DKK2: variants seen among roughly 807,000 people sequenced by gnomAD.
DKK2 encodes dickkopf-related protein 2.
In DKK2, 11 loss-of-function variants were observed where a neutral mutation model predicts 28.1. The ratio of observed to expected loss-of-function variants is 0.39; its 90% CI spans 0.25 to 0.65. DKK2 has a LOEUF of 0.65. DKK2 is among the 30% of genes least tolerant of loss of function. The pLI, the probability that DKK2 is intolerant of heterozygous loss-of-function variation, is 0.47. For synonymous variants in DKK2, 135 were observed against 126.5 expected, an observed-to-expected ratio of 1.07 and a Z score of -0.45; for missense variants, 326 against 335.5, an observed-to-expected ratio of 0.97 and a Z score of 0.22.
At chr4:106,927,270 T>C (rs951759742) in intron 1 of DKK2, among the ~76,000 whole-genome samples, 1 of 152,156 alleles carries the variant, frequency 6.6e-6, no homozygotes, top group African/African-American at 2.4e-5. Context: ...TCTTTCCCTT[T>C]CTTCCAGTGT....
At chr4:106,934,900 T>G (rs1724556180) in intron 1 of DKK2, among the ~76,000 whole-genome samples, 1 of 152,220 alleles carries the variant, frequency 6.6e-6, no homozygotes, top group African/African-American at 2.4e-5. Flanking sequence ...AATTATAAAA[T>G]GTTCCCATTT....
chr4:106,958,045 A>G (rs1722627184), intron 1 of DKK2, among the ~76,000 whole-genome samples: 1 of 151,008 alleles, frequency 6.6e-6, no homozygotes, highest in South Asian at 2.1e-4. Flanking sequence ...GAATTTATTT[A>G]GAATTGTCTG....
At chr4:106,963,929 T>TGAA in intron 1 of DKK2, among the ~76,000 whole-genome samples, 1 of 152,208 alleles carries the variant, frequency 6.6e-6, no homozygotes, top group Non-Finnish European at 1.5e-5. Context: ...ATTCATTTGT[T>TGAA]GAAGAGACTC....
intron 1 of DKK2, among the ~76,000 whole-genome samples, chr4:106,930,637 G>A (rs1463502870): frequency 3.9e-5 from 6 of 152,142 alleles, no homozygotes; most frequent in Admixed American, 2.6e-4. Flanking sequence ...TTGCAAGACC[G>A]TCCTCGTTTT....
chr4:107,000,354 T>C (rs552132433), intron 1 of DKK2, among the ~76,000 whole-genome samples: 1 of 152,320 alleles, frequency 6.6e-6, no homozygotes, highest in Middle Eastern at 3.4e-3. Context: ...AAGAATGTTG[T>C]TTACAACATT....
intron 1 of DKK2, among the ~76,000 whole-genome samples, chr4:106,975,424 G>A (rs577475037): frequency 1.7e-4 from 26 of 152,210 alleles, no homozygotes; most frequent in African/African-American, 5.5e-4. Context: ...TTCAGAACTT[G>A]TCATTCATCT....
chr4:107,027,805 A>G (rs907055038), intron 1 of DKK2, among the ~76,000 whole-genome samples: 3 of 141,952 alleles, frequency 2.1e-5, no homozygotes, highest in African/African-American at 5.2e-5. Context: ...AGGCTAGAGT[A>G]CAGTGGCGCG....
intron 1 of DKK2, among the ~76,000 whole-genome samples, chr4:106,960,222 T>G (rs890492801): frequency 1.1e-4 from 16 of 151,220 alleles, no homozygotes; most frequent in Non-Finnish European, 2.1e-4. Context: ...ATATATAAAA[T>G]ATGGAATACT....
intron 1 of DKK2, among the ~76,000 whole-genome samples, chr4:106,974,116 C>T (rs1419898132): frequency 1.3e-5 from 2 of 152,102 alleles, no homozygotes; most frequent in African/African-American, 4.8e-5. Flanking sequence ...GATTTGGTAC[C>T]AGTACCATGC....
At chr4:106,942,630 T>C (rs1724716921) in intron 1 of DKK2, among the ~76,000 whole-genome samples, 1 of 152,128 alleles carries the variant, frequency 6.6e-6, no homozygotes, top group East Asian at 1.9e-4. Flanking sequence ...GGGATTGAGA[T>C]ACATAACACA....
chr4:106,961,539 CTT>C (rs1722683564), intron 1 of DKK2, among the ~76,000 whole-genome samples: 1 of 149,850 alleles, frequency 6.7e-6, no homozygotes, highest in Admixed American at 6.7e-5. Flanking sequence ...ATTTCAAACT[CTT>C]AAATTTGCAG....
chr4:106,988,154 G>A lies in DKK2; in HGVS notation c.222+47216C>T, dbSNP rs368924229. On this transcript the variant is annotated intron_variant, in intron 1 of 3. Coordinates refer to ENST00000285311, the MANE Select transcript of DKK2 (RefSeq NM_014421.3). The stretch of plus-strand genomic sequence containing the variant: ...GCTGGGATTACAGGCGTGAGCCACC[G>A]CACCCGGCCCAATGTTACCCTCTTC... Among the ~76,000 whole-genome samples the A allele has an allele frequency of 6.8e-4, 104 of 152,250 alleles. No individual in the cohort carries two copies. The East Asian group carries it at 8.1e-3, about 12-fold the overall frequency.
intron 1 of DKK2, among the ~76,000 whole-genome samples, chr4:106,963,483 T>C (rs1722723229): frequency 6.6e-6 from 1 of 152,138 alleles, no homozygotes; most frequent in Non-Finnish European, 1.5e-5. Context: ...TATAATCAGA[T>C]ATCATCTCAC....
intron 1 of DKK2, among the ~76,000 whole-genome samples, chr4:106,970,134 G>C (rs1722849899): frequency 6.6e-6 from 1 of 152,066 alleles, no homozygotes; most frequent in African/African-American, 2.4e-5. Flanking sequence ...CAATTGTTTA[G>C]CCTGAGTTTT....
At chr4:106,978,280 C>T (rs1482564598) in intron 1 of DKK2, among the ~76,000 whole-genome samples, 5 of 152,168 alleles carry the variant, frequency 3.3e-5, no homozygotes, top group Non-Finnish European at 7.3e-5. Context: ...GTTTGGAGAC[C>T]TGCTGCTCTC....
In DKK2 at chr4:106,922,843, T is replaced by G. The variant is rs17037094; in HGVS notation, c.*1111A>C. ...CAAAGATGAACAGCCAACTTGTGCC[T>G]CAGACATATGATCTATGTGTTGCCA... On this transcript the variant is annotated 3_prime_UTR_variant, in exon 4 of 4. Coordinates refer to ENST00000285311, the MANE Select transcript of DKK2 (RefSeq NM_014421.3). 0.031 allele frequency: 4,771 copies of G among 152,300 alleles called. 80 individuals carry two copies. The highest frequency in any genetic ancestry group is 0.036 in the Non-Finnish European group (2,480 of 68,026). The allele number at this position is 152,300 out of a possible 1,614,324, so 9.4% of individuals were successfully genotyped here.
intron 1 of DKK2, among the ~76,000 whole-genome samples, chr4:106,945,630 T>C (rs193060740): frequency 5.1e-4 from 78 of 152,228 alleles, no homozygotes; most frequent in African/African-American, 1.6e-3. Flanking sequence ...AATCCTTCCA[T>C]GGTTAGAAAA....
At chr4:106,930,067 C>A (rs1426453677) in intron 1 of DKK2, among the ~76,000 whole-genome samples, 1 of 152,148 alleles carries the variant, frequency 6.6e-6, no homozygotes, top group Non-Finnish European at 1.5e-5. Flanking sequence ...GCATGTCCTA[C>A]TGCAGCTGTT....
chr4:106,968,392 C>G (rs986010867), intron 1 of DKK2, among the ~76,000 whole-genome samples: 2 of 152,060 alleles, frequency 1.3e-5, no homozygotes, highest in Admixed American at 1.3e-4. Flanking sequence ...AATCAACTTG[C>G]TTAAGGTGAT....
Sources: gnomAD v4.1 joint callset for allele counts (sites outside exome capture counted in the v4.1 genomes callset) on GRCh38, gnomAD v4.1.1 for gene constraint, MANE v1.5 for transcripts, NCBI Gene and HGNC (gene_info 2026-07-23, HGNC 2026-07-21) for gene names.